The following AXIN1 variants were observed in gnomAD, a reference collection of about 807,000 sequenced individuals.
The protein encoded by AXIN1 is axin-1.
A neutral mutation model predicts 76.4 loss-of-function variants in AXIN1; 30 were observed. The observed-to-expected ratio is 0.39, with a 90% CI of 0.29 to 0.53. The LOEUF (loss-of-function observed/expected upper bound fraction) is 0.53. AXIN1 is among the 20% of genes least tolerant of loss of function. The pLI, the probability that AXIN1 is intolerant of heterozygous loss-of-function variation, is 0.66. For missense variants in AXIN1, 1,140 were observed against 1,198.8 expected (o/e 0.95, Z 0.72); for synonymous variants, 545 against 501.4 (o/e 1.09, Z -1.16).
intron 2 of AXIN1, among the ~76,000 whole-genome samples, chr16:340,113 C>G (rs1346827411): frequency 1.3e-5 from 2 of 151,932 alleles, no homozygotes; most frequent in African/African-American, 4.8e-5. Flanking sequence ...AGTCAATAAA[C>G]TAATGAGCAG....
At chr16:291,389 G>A (rs1024517799) in intron 8 of AXIN1, 92 bp from the exon 9 acceptor site, 6 of 1,103,270 alleles carry the variant, frequency 5.4e-6, no homozygotes, top group Middle Eastern at 2.6e-4. Flanking sequence ...AGGGACGGAC[G>A]GAGCGTGAAG....
chr16:347,195 C>T (rs955286899), intron 1 of AXIN1, 89 bp from the exon 2 acceptor site: 17 of 1,134,226 alleles, frequency 1.5e-5, no homozygotes, highest in African/African-American at 3.1e-5. Context: ...CTCACGATGA[C>T]GCCCTCCCGC....
intron 2 of AXIN1, among the ~76,000 whole-genome samples, chr16:319,712 G>A (rs2053396161): frequency 6.6e-6 from 1 of 152,202 alleles, no homozygotes; most frequent in Non-Finnish European, 1.5e-5. Context: ...CACGGCACCG[G>A]CTCTCTGGTC....
At chr16:299,891 G>A (rs766732018) in intron 5 of AXIN1, among the ~76,000 whole-genome samples, 11 of 151,784 alleles carry the variant, frequency 7.2e-5, no homozygotes, top group Admixed American at 2.0e-4. Flanking sequence ...TCCCGACCTC[G>A]TGATCTGCCC....
Position 346,602 on chromosome 16 carries a change from T to C in AXIN1, c.424A>G (p.Arg142Gly), listed in dbSNP as rs2141705070. The change falls in exon 2 of 11, where the codon AGA (arginine) becomes GGA (glycine). Residue 142 changes from arginine to glycine, a missense_variant. Transcript: ENST00000262320. ...AGAATGTACTTTCGGTAGATGGCTC[T>C]CGCCAGCTTCAGCCTCTTCTCCTCG... is the stretch of plus-strand genomic sequence containing the variant. ...SNEEKRLKLA[R>G]AIYRKYILDN... 6.2e-7 allele frequency: 1 copy of C among 1,604,870 alleles called. No homozygotes were observed. The highest frequency in any genetic ancestry group is 1.1e-5 in the South Asian group (1 of 90,362).
intron 8 of AXIN1, chr16:291,568 C>T: frequency 1.9e-6 from 1 of 533,338 alleles, no homozygotes; most frequent in Non-Finnish European, 3.4e-6. Context: ...AGCTTCCGAT[C>T]AGGGGTGCTG....
rs2052422669 is a variant in AXIN1 at position 287,794 on chromosome 16, C to T, written c.*328G>A. 2.1e-6 allele frequency: 1 copy of T among 469,848 alleles called. No homozygotes were observed. Among genetic ancestry groups the T allele is most frequent in the Admixed American group, 3.4e-5 (1 of 29,812 alleles). The allele number at this position is 469,848 out of a possible 1,614,324, so 29.1% of individuals were successfully genotyped here. Reference sequence around the variant, plus strand: ...GCAAATCCCAGAGGGAAAGTAGATCCCAGCACACGTGCCCAAGGGAGGTGC... The same window carrying T: ...GCAAATCCCAGAGGGAAAGTAGATCTCAGCACACGTGCCCAAGGGAGGTGC... On this transcript the variant is annotated 3_prime_UTR_variant, in exon 11 of 11. Transcript: ENST00000262320.
chr16:309,321 C>T (rs908171899), intron 4 of AXIN1, among the ~76,000 whole-genome samples: 4 of 151,910 alleles, frequency 2.6e-5, no homozygotes, highest in Non-Finnish European at 4.4e-5. Context: ...ACACTTTTCT[C>T]ATCTTCCCGT....
intron 2 of AXIN1, among the ~76,000 whole-genome samples, chr16:343,832 G>A (rs1333320784): frequency 6.7e-6 from 1 of 148,864 alleles, no homozygotes; most frequent in Admixed American, 6.7e-5. Flanking sequence ...GTGGCGAAAC[G>A]CTGTCTCTAC....
chr16:291,220 G>A lies in AXIN1; in HGVS notation c.2264C>T (p.Ala755Val), dbSNP rs746350199. The change falls in exon 9 of 11, where the codon GCC (alanine) becomes GTC (valine). Residue 755 changes from alanine (A) to valine (V), a missense_variant. Physicochemically the swap from Ala to Val is moderately conservative, Grantham distance 64 (BLOSUM62 0). Around this residue, in one of 3 missense-constraint regions of AXIN1, gnomAD observed 429 missense variants for 405.8 expected, o/e 1.06. Coordinates refer to ENST00000262320, the MANE Select transcript of AXIN1 (RefSeq NM_003502.4). ...ACAPVLHVVPAVSDMELSETE... is the reference protein window; with the variant it reads ...ACAPVLHVVPVVSDMELSETE... ...CTCGGAGAGCTCCATGTCCGACACGGCTGGTACCACGTGCAGCACCGGCGC... is the reference window on the plus strand; with the variant it reads ...CTCGGAGAGCTCCATGTCCGACACGACTGGTACCACGTGCAGCACCGGCGC... 1.3e-6 allele frequency: 2 copies of A among 1,589,062 alleles called. No homozygotes were observed. Among genetic ancestry groups the A allele is most frequent in the South Asian group, 2.3e-5 (2 of 87,740 alleles).
At chr16:350,903 G>GGGCGGATCACCTGAGGTC (rs2054128992) in intron 1 of AXIN1, among the ~76,000 whole-genome samples, 1 of 152,148 alleles carries the variant, frequency 6.6e-6, no homozygotes, top group Non-Finnish European at 1.5e-5. Context: ...AGGCCGAGGT[G>GGGCGGATCACCTGAGGTC]GGCGGATCAC....
intron 2 of AXIN1, among the ~76,000 whole-genome samples, chr16:344,515 T>G (rs1160019096): frequency 1.3e-5 from 2 of 151,626 alleles, no homozygotes; most frequent in Non-Finnish European, 2.9e-5. Context: ...AGTTTCACTC[T>G]TGTCCTCTTG....
At chr16:339,748 AC>A (rs1312911166) in intron 2 of AXIN1, among the ~76,000 whole-genome samples, 1 of 151,828 alleles carries the variant, frequency 6.6e-6, no homozygotes, top group Non-Finnish European at 1.5e-5. Context: ...GAGACTAGAA[AC>A]CCCCCACACC....
chr16:331,121 AAGG>A (rs2053681761), intron 2 of AXIN1, among the ~76,000 whole-genome samples: 1 of 152,314 alleles, frequency 6.6e-6, no homozygotes, highest in African/African-American at 2.4e-5. Context: ...AACTCACCTG[AAGG>A]AGACCAGCTC....
chr16:342,495 T>C (rs960381568), intron 2 of AXIN1, among the ~76,000 whole-genome samples: 3 of 152,142 alleles, frequency 2.0e-5, no homozygotes, highest in African/African-American at 7.2e-5. Context: ...GCCTGTTCAG[T>C]ACCCACTCTC....
intron 2 of AXIN1, among the ~76,000 whole-genome samples, chr16:323,567 G>A (rs2053511819): frequency 6.6e-6 from 1 of 151,904 alleles, no homozygotes; most frequent in Non-Finnish European, 1.5e-5. Flanking sequence ...GGATCACAAG[G>A]TCAAGAGATC....
At chr16:326,088 C>T (rs1338576530) in intron 2 of AXIN1, among the ~76,000 whole-genome samples, 1 of 152,044 alleles carries the variant, frequency 6.6e-6, no homozygotes, top group Non-Finnish European at 1.5e-5. Flanking sequence ...GGCGTGGTGG[C>T]TCATGCCTGT....
intron 4 of AXIN1, among the ~76,000 whole-genome samples, chr16:305,979 G>A (rs189476609): frequency 8.8e-4 from 134 of 152,236 alleles, no homozygotes; most frequent in African/African-American, 3.1e-3. Flanking sequence ...TAACTTTCAA[G>A]GGTACTTCAT....
At chr16:299,926 A>G (rs2052825689) in intron 5 of AXIN1, among the ~76,000 whole-genome samples, 1 of 151,976 alleles carries the variant, frequency 6.6e-6, no homozygotes. Context: ...AAGTGCTGGG[A>G]TTACAAGTGT....
Sources: allele counts gnomAD v4.1 joint callset (sites outside exome capture counted in the v4.1 genomes callset), GRCh38; gene constraint gnomAD v4.1.1; regional missense constraint gnomAD v4.1.1; transcripts MANE v1.5; gene names NCBI Gene and HGNC (gene_info 2026-07-23, HGNC 2026-07-21).